The following SDK1 variants were observed in gnomAD, a reference collection of about 807,000 sequenced individuals.
The protein encoded by SDK1 is sidekick cell adhesion molecule 1, also known as protein sidekick-1.
SDK1 carries 157 observed loss-of-function variants against 245.5 expected under a neutral mutation model. The ratio of observed to expected loss-of-function variants is 0.64; its 90% CI spans 0.56 to 0.73. The LOEUF is 0.73. SDK1 is among the 30% of genes least tolerant of loss of function. SDK1 has a pLI of 0.00. For missense variants in SDK1, 3,583 were observed against 3,002.3 expected (o/e 1.19, Z -4.52); for synonymous variants, 1,647 against 1,278.5 (o/e 1.29, Z -6.15).
chr7:4,209,928 G>A lies in SDK1; in HGVS notation c.5402-97G>A, dbSNP rs907554813. ...CTTTTACTGAGTTGAAAATAACATC[G>A]AATAACATTTTTTATTCTATACGGA... is the stretch of plus-strand genomic sequence containing the variant. On this transcript the variant is annotated intron_variant, in intron 37 of 44. Transcript: ENST00000404826. The A allele has an allele frequency of 9.9e-6, 11 of 1,110,962 alleles. No homozygotes were observed. In the African/African-American group the frequency reaches 1.1e-4, roughly 11 times the overall value. The allele number at this position is 1,110,962 out of a possible 1,614,324, so 68.8% of individuals were successfully genotyped here. A position where few individuals can be genotyped will look rare whatever the true frequency, so the allele number is the denominator to read the frequency against.
At chr7:3,886,577 G>C (rs1583513715) in intron 5 of SDK1, among the ~76,000 whole-genome samples, 1 of 152,298 alleles carries the variant, frequency 6.6e-6, no homozygotes, top group East Asian at 1.9e-4. Context: ...CTTGGTTTCT[G>C]CCTATATTTG....
intron 4 of SDK1, among the ~76,000 whole-genome samples, chr7:3,753,066 A>T (rs185630855): frequency 6.6e-6 from 1 of 152,178 alleles, no homozygotes; most frequent in Non-Finnish European, 1.5e-5. Context: ...AGATCTTTCA[A>T]TGTACTGCCA....
intron 5 of SDK1, among the ~76,000 whole-genome samples, chr7:3,823,392 C>A (rs138541320): frequency 3.2e-4 from 49 of 152,206 alleles, no homozygotes; most frequent in African/African-American, 1.1e-3. Flanking sequence ...AGGAAGTTGG[C>A]CTTCCTCTGT....
At chr7:3,803,511 A>C (rs951408027) in intron 4 of SDK1, among the ~76,000 whole-genome samples, 2 of 151,604 alleles carry the variant, frequency 1.3e-5, no homozygotes, top group Non-Finnish European at 2.9e-5. Flanking sequence ...GGGTTTCACC[A>C]TGTGGACCAG....
intron 35 of SDK1, among the ~76,000 whole-genome samples, chr7:4,192,777 G>A (rs889509615): frequency 9.2e-5 from 14 of 151,608 alleles, no homozygotes; most frequent in South Asian, 4.2e-4. Flanking sequence ...TCCTGCACTC[G>A]CCACCAGCTC....
intron 35 of SDK1, among the ~76,000 whole-genome samples, chr7:4,196,922 C>G (rs144566250): frequency 6.6e-6 from 1 of 152,356 alleles, no homozygotes; most frequent in African/African-American, 2.4e-5. Flanking sequence ...ACCAGAGATG[C>G]TAAGGCCATA....
intron 19 of SDK1, among the ~76,000 whole-genome samples, 159 bp downstream of exon 19, chr7:4,051,989 C>T (rs959536239): frequency 6.6e-6 from 1 of 152,120 alleles, no homozygotes; most frequent in Non-Finnish European, 1.5e-5. Context: ...GGCATCAGTA[C>T]TGATAATGCC....
intron 1 of SDK1, among the ~76,000 whole-genome samples, chr7:3,576,430 G>A (rs746047041): frequency 6.6e-6 from 1 of 152,012 alleles, no homozygotes; most frequent in African/African-American, 2.4e-5. Context: ...CAGGGGAGTC[G>A]CAGGTACACA....
chr7:3,686,644 C>T (rs1056374137), intron 4 of SDK1, among the ~76,000 whole-genome samples: 2 of 151,878 alleles, frequency 1.3e-5, no homozygotes, highest in East Asian at 3.9e-4. Context: ...GGTTGGGTGA[C>T]AGGACACAGC....
At chr7:3,579,586 T>G (rs1021995316) in intron 1 of SDK1, among the ~76,000 whole-genome samples, 3 of 152,188 alleles carry the variant, frequency 2.0e-5, no homozygotes, top group African/African-American at 7.2e-5. Context: ...GGGCAAAAGC[T>G]GGAAGCATTC....
chr7:3,325,724 A>C (rs1779924382), intron 1 of SDK1, among the ~76,000 whole-genome samples: 1 of 152,136 alleles, frequency 6.6e-6, no homozygotes, highest in African/African-American at 2.4e-5. Context: ...GTACCAGAAA[A>C]ATTGCTGGAT....
chr7:3,351,384 T>G (rs1301387413), intron 1 of SDK1, among the ~76,000 whole-genome samples: 2 of 152,170 alleles, frequency 1.3e-5, no homozygotes, highest in Admixed American at 6.5e-5. Flanking sequence ...CACTGTCTAC[T>G]ATGAAGACAG....
At chr7:3,533,817 T>C (rs547649921) in intron 1 of SDK1, among the ~76,000 whole-genome samples, 313 of 152,256 alleles carry the variant, frequency 2.1e-3, no homozygotes, top group Non-Finnish European at 3.7e-3. Context: ...AATTTTTTCT[T>C]AGTTATGTGA....
At chr7:3,606,088 A>G (rs1460472963) in intron 1 of SDK1, among the ~76,000 whole-genome samples, 3 of 152,182 alleles carry the variant, frequency 2.0e-5, no homozygotes, top group Non-Finnish European at 4.4e-5. Context: ...GGTATTTCAA[A>G]CATCCTAAGT....
chr7:3,919,802 G>T (rs1005292452), intron 5 of SDK1, among the ~76,000 whole-genome samples: 1 of 152,142 alleles, frequency 6.6e-6, no homozygotes, highest in Non-Finnish European at 1.5e-5. Context: ...CAGAGGCTGC[G>T]TGAGACACCG....
intron 1 of SDK1, among the ~76,000 whole-genome samples, chr7:3,608,127 C>G (rs1781479385): frequency 6.6e-6 from 1 of 152,222 alleles, no homozygotes; most frequent in Non-Finnish European, 1.5e-5. Flanking sequence ...CCGTGCCACA[C>G]ACCTATGAGT....
intron 32 of SDK1, among the ~76,000 whole-genome samples, chr7:4,173,519 T>A (rs1457157354): frequency 6.6e-6 from 1 of 152,236 alleles, no homozygotes; most frequent in Non-Finnish European, 1.5e-5. Flanking sequence ...CTCCACTTCC[T>A]TATCTGCCTG....
In SDK1 at chr7:3,713,128, C is replaced by G. The variant is rs573245387; in HGVS notation, c.713+71023C>G. Reference sequence around the variant, plus strand: ...CACAGCGGGGAGCAGGCTGAAGGCACCAGGAACCCTCTGCCAGCACACCCC... The same window carrying G: ...CACAGCGGGGAGCAGGCTGAAGGCAGCAGGAACCCTCTGCCAGCACACCCC... On this transcript the variant is annotated intron_variant, in intron 4 of 44. Coordinates refer to ENST00000404826, the MANE Select transcript of SDK1 (RefSeq NM_152744.4). Among the ~76,000 whole-genome samples the G allele has an allele frequency of 4.6e-5, 7 of 152,326 alleles. 1 individual carries two copies. The South Asian group carries it at 1.4e-3, about 32-fold the overall frequency.
intron 13 of SDK1, among the ~76,000 whole-genome samples, chr7:3,983,785 T>A (rs983307145): frequency 3.3e-5 from 5 of 152,148 alleles, no homozygotes; most frequent in African/African-American, 1.2e-4. Context: ...AATCAATATT[T>A]CCTTCCAATG....
Sources: gnomAD v4.1 joint callset for allele counts (sites outside exome capture counted in the v4.1 genomes callset) on GRCh38, gnomAD v4.1.1 for gene constraint, MANE v1.5 for transcripts, NCBI Gene and HGNC (gene_info 2026-07-23, HGNC 2026-07-21) for gene names.